DGKK: variants seen among roughly 807,000 people sequenced by gnomAD.
DGKK encodes diacylglycerol kinase kappa.
A neutral mutation model predicts 92.2 loss-of-function variants in DGKK; 35 were observed. That is an observed-to-expected ratio of 0.38 (90% CI 0.29 to 0.50). The LOEUF (loss-of-function observed/expected upper bound fraction) is 0.50. Among genes scored for constraint, DGKK ranks in the 20% least tolerant of loss-of-function variants. The pLI is 0.92. For missense variants in DGKK, 910 were observed against 992.2 expected, an observed-to-expected ratio of 0.92 and a Z score of 1.11; for synonymous variants, 368 against 360.6, an observed-to-expected ratio of 1.02 and a Z score of -0.23.
chrX:50,465,789 A>C lies in DGKK; in HGVS notation c.645+4245T>G, dbSNP rs190284307. On this transcript the variant is annotated intron_variant, in intron 1 of 27. Transcript: ENST00000611977. ...AGGCCATATGTCAGATTTTTAAAAA[A>C]ATCTACAATAGAAAATTCAATCATT... is the stretch of plus-strand genomic sequence containing the variant. Among the ~76,000 whole-genome samples, 28 of 111,096 alleles carry C rather than the reference A, an allele frequency of 2.5e-4. No individual in the cohort carries two copies. In the East Asian group the frequency reaches 8.0e-3, roughly 32 times the overall value.
chrX:50,405,630 A>T (rs982504127), intron 4 of DGKK, among the ~76,000 whole-genome samples: 4 of 110,832 alleles, frequency 3.6e-5, no homozygotes, highest in Non-Finnish European at 7.6e-5. Context: ...TATCCAAGAC[A>T]TAGCCTGCAC....
At chrX:50,465,140 A>T (rs1926861279) in intron 1 of DGKK, among the ~76,000 whole-genome samples, 1 of 112,090 alleles carries the variant, frequency 8.9e-6, no homozygotes, top group Non-Finnish European at 1.9e-5. Context: ...GAATATTTTA[A>T]GGTTAGAAAT....
chrX:50,452,760 G>A (rs2147149284), intron 1 of DGKK, among the ~76,000 whole-genome samples: 1 of 112,016 alleles, frequency 8.9e-6, no homozygotes, highest in Non-Finnish European at 1.9e-5. Flanking sequence ...GAATTTTAAA[G>A]TGCTTCCCAG....
At chrX:50,443,380 A>G (rs1344227645) in intron 1 of DGKK, among the ~76,000 whole-genome samples, 6 of 111,848 alleles carry the variant, frequency 5.4e-5, no homozygotes, top group Non-Finnish European at 9.4e-5. Context: ...ATACTTGAGC[A>G]CAAAATGACA....
intron 20 of DGKK, among the ~76,000 whole-genome samples, chrX:50,379,141 C>A (rs1157074199): frequency 1.8e-5 from 2 of 110,808 alleles, no homozygotes; most frequent in African/African-American, 6.6e-5. Context: ...GTCAACATGG[C>A]GAAACCCTGT....
At chrX:50,437,876 T>C (rs192203896) in intron 1 of DGKK, among the ~76,000 whole-genome samples, 97 of 111,281 alleles carry the variant, frequency 8.7e-4, no homozygotes, top group Admixed American at 2.8e-3. Context: ...CACCATTTCA[T>C]TGACTCTGAG....
intron 25 of DGKK, among the ~76,000 whole-genome samples, chrX:50,374,249 T>A (rs1377289382): frequency 1.8e-5 from 2 of 111,727 alleles, no homozygotes; most frequent in Admixed American, 1.9e-4. Context: ...GAAGATGGCC[T>A]TGTGAAGACA....
At chrX:50,399,852 G>T (rs1040597251) in intron 8 of DGKK, among the ~76,000 whole-genome samples, 10 of 111,880 alleles carry the variant, frequency 8.9e-5, no homozygotes, top group African/African-American at 3.2e-4. Flanking sequence ...TGGCAAAAAG[G>T]AGAGTCTCTC....
intron 15 of DGKK, 68 bp downstream of exon 15, chrX:50,386,290 G>T: frequency 2.4e-6 from 2 of 842,613 alleles, no homozygotes; most frequent in Non-Finnish European, 3.5e-6. Flanking sequence ...AGTCAGTGAG[G>T]CCAGTAAACC....
At chrX:50,420,199 T>G (rs1269097836) in intron 4 of DGKK, among the ~76,000 whole-genome samples, 1 of 111,897 alleles carries the variant, frequency 8.9e-6, no homozygotes, top group Non-Finnish European at 1.9e-5. Context: ...TATAGAAGTA[T>G]CTGCACCACA....
At chrX:50,379,915 G>A in intron 19 of DGKK, 66 bp downstream of exon 19, 1 of 1,048,353 alleles carries the variant, frequency 9.5e-7, no homozygotes, top group South Asian at 1.9e-5. Context: ...AGCATGTACG[G>A]TATTCCCAAG....
chrX:50,458,292 T>C (rs1926660158), intron 1 of DGKK, among the ~76,000 whole-genome samples: 1 of 110,282 alleles, frequency 9.1e-6, no homozygotes, highest in Admixed American at 9.7e-5. Flanking sequence ...GCTAAAAAGG[T>C]TTTAAAACCA....
chrX:50,456,307 A>G (rs900706821), intron 1 of DGKK, among the ~76,000 whole-genome samples: 23 of 112,022 alleles, frequency 2.1e-4, no homozygotes, highest in African/African-American at 7.1e-4. Context: ...AAGGAACATC[A>G]GAGCTTAGCT....
At position 50,470,638 on chromosome X, in the gene DGKK, G is replaced by A; in HGVS notation, c.41C>T (p.Pro14Leu). Residue 14 changes from proline (P) to leucine (L), a missense_variant, in exon 1 of 28, where the codon CCT becomes CTT. Coordinates refer to ENST00000611977, the MANE Select transcript of DGKK (RefSeq NM_001013742.4). ...GAAAAQGTAP[P>L]QDGEQPAESP... Reference sequence around the variant, plus strand: ...CTCAGCGGGCTGCTCTCCATCCTGAGGCGGGGCAGTGCCCTGGGCTGCGGC... The same window carrying A: ...CTCAGCGGGCTGCTCTCCATCCTGAAGCGGGGCAGTGCCCTGGGCTGCGGC... 8.7e-7 allele frequency: 1 copy of A among 1,148,682 alleles called. No individual in the cohort carries two copies. The allele number at this position is 1,148,682 out of a possible 1,213,427, so 94.7% of individuals were successfully genotyped here.
At chrX:50,462,882 CTTTTTTTTTTTTTTTTTTT>C (rs548003185) in intron 1 of DGKK, among the ~76,000 whole-genome samples, 4 of 15,790 alleles carry the variant, frequency 2.5e-4, no homozygotes, top group East Asian at 0.012. Flanking sequence ...CCTTTCCTTG[CTTTTTTTTTTTTTTTTTTT>C]TTTTTTTTTT....
chrX:50,391,523 C>A lies in DGKK; in HGVS notation c.1758G>T (p.Leu586=). 1 of 1,211,215 alleles carries A rather than the reference C, an allele frequency of 8.3e-7. No individual in the cohort carries two copies. The highest frequency in any genetic ancestry group is 1.1e-6 in the Non-Finnish European group (1 of 895,187). ...TTTTGTTCCAGAATGCACCCCAGCC[C>A]AGAACACGAGCCAGATCATTGCCGG... ...LGTGNDLARV[L]GWGAFWNKSK... Residue 586 remains leucine, a synonymous_variant, in exon 11 of 28, where the codon CTG becomes CTT. Coordinates refer to ENST00000611977, the MANE Select transcript of DGKK (RefSeq NM_001013742.4).
At position 50,378,223 on chromosome X, in the gene DGKK, C is replaced by T. The variant is rs367689666; in HGVS notation, c.2986G>A (p.Val996Met). 1.7e-6 allele frequency: 2 copies of T among 1,206,745 alleles called. No homozygotes were observed. The highest frequency in any genetic ancestry group is 2.2e-6 in the Non-Finnish European group (2 of 894,057). The change falls in exon 22 of 28, where the codon GTG (valine) becomes ATG (methionine). Residue 996 changes from valine to methionine, a missense_variant. Transcript: ENST00000611977. ...TCTTCACCATCAATGGTTATCATCA[C>T]CTCATGGCACTGCCAGAGAAAATGA... ...HHHRIAQCHE[V>M]MITIDGEEGI...
intron 4 of DGKK, 55 bp downstream of exon 4, chrX:50,420,348 G>A (rs1557228992): frequency 9.4e-7 from 1 of 1,065,865 alleles, no homozygotes; most frequent in Non-Finnish European, 1.3e-6. Flanking sequence ...CTTAACTAAT[G>A]CAATTAATTA....
chrX:50,408,336 AT>A (rs368557138), intron 4 of DGKK, among the ~76,000 whole-genome samples: 88 of 111,509 alleles, frequency 7.9e-4, no homozygotes, highest in African/African-American at 2.6e-3. Flanking sequence ...TGGGTTGCCA[AT>A]TTTTTTTTAA....
Sources: allele counts gnomAD v4.1 joint callset (sites outside exome capture counted in the v4.1 genomes callset), GRCh38; gene constraint gnomAD v4.1.1; transcripts MANE v1.5; gene names NCBI Gene and HGNC (gene_info 2026-07-23, HGNC 2026-07-21).